Variants in CDH9 observed in about 807,000 individuals in gnomAD.
CDH9 encodes cadherin 9.
In CDH9, 28 loss-of-function variants were observed where a neutral mutation model predicts 70.9. That is an observed-to-expected ratio of 0.40 (90% CI 0.29 to 0.54). The LOEUF (loss-of-function observed/expected upper bound fraction) is 0.54. Ranked by LOEUF, CDH9 falls within the 20% of genes least tolerant of loss-of-function variation. The pLI is 0.59. For missense variants in CDH9, 874 were observed against 984.4 expected (o/e 0.89, Z 1.50); for synonymous variants, 409 against 343.1 (o/e 1.19, Z -2.12).
intron 1 of CDH9, among the ~76,000 whole-genome samples, chr5:27,018,866 C>G (rs535547558): frequency 1.3e-5 from 2 of 152,014 alleles, no homozygotes; most frequent in Admixed American, 1.3e-4. Context: ...GGGGCACTAC[C>G]AGGACAACAG....
At chr5:26,893,235 T>C (rs1740691564) in intron 7 of CDH9, among the ~76,000 whole-genome samples, 1 of 152,202 alleles carries the variant, frequency 6.6e-6, no homozygotes, top group African/African-American at 2.4e-5. Flanking sequence ...GCTTAATTTA[T>C]TTTCTGCTAA....
chr5:26,924,491 C>T (rs963565061), intron 2 of CDH9, among the ~76,000 whole-genome samples: 2 of 149,342 alleles, frequency 1.3e-5, no homozygotes, highest in Non-Finnish European at 3.0e-5. Flanking sequence ...CAACTATAGT[C>T]AAACTATTTA....
At chr5:27,037,770 C>T (rs1268186780) in intron 1 of CDH9, among the ~76,000 whole-genome samples, 1 of 151,894 alleles carries the variant, frequency 6.6e-6, no homozygotes, top group Non-Finnish European at 1.5e-5. Context: ...GTCATCATTA[C>T]ATTAAGACAT....
chr5:26,883,383 TA>T (rs1740505198), intron 11 of CDH9, among the ~76,000 whole-genome samples: 1 of 151,732 alleles, frequency 6.6e-6, no homozygotes, highest in African/African-American at 2.4e-5. Context: ...TCTACCGTAT[TA>T]AAATTATCCG....
chr5:26,905,924 G>T (rs760810873), intron 5 of CDH9, 35 bp downstream of exon 5: 5 of 1,562,652 alleles, frequency 3.2e-6, no homozygotes, highest in Admixed American at 3.4e-5. Context: ...TATTTGAGAA[G>T]TTTTTGGACA....
Position 27,029,691 on chromosome 5 carries a change from C to CA in CDH9, c.-50+8771dup, listed in dbSNP as rs3838651. 2.4e-3 allele frequency among the ~76,000 whole-genome samples: 358 copies of CA among 151,520 alleles called. 6 individuals are homozygous for CA. In the East Asian group the frequency reaches 0.039, roughly 17 times the overall value. On this transcript the variant is annotated intron_variant, in intron 1 of 11. Transcript: ENST00000231021. Reference sequence around the variant, plus strand: ...AATGGATGGATGAATAAATTATTACCAAAAAAAATCTAAGGATCTTTTTCC... The same window carrying CA: ...AATGGATGGATGAATAAATTATTACCAAAAAAAAATCTAAGGATCTTTTTCC...
intron 2 of CDH9, among the ~76,000 whole-genome samples, chr5:26,984,616 A>C (rs866226154): frequency 1.3e-5 from 2 of 152,112 alleles, no homozygotes; most frequent in African/African-American, 4.8e-5. Context: ...AAGATTCTCT[A>C]ACAGAATAGT....
At chr5:26,911,986 A>G (rs1163098946) in intron 3 of CDH9, among the ~76,000 whole-genome samples, 2 of 152,150 alleles carry the variant, frequency 1.3e-5, no homozygotes, top group African/African-American at 4.8e-5. Flanking sequence ...TTTAAGAAAT[A>G]AAAATGAATG....
chr5:26,921,087 C>T (rs747994415), intron 2 of CDH9, among the ~76,000 whole-genome samples: 3 of 151,932 alleles, frequency 2.0e-5, no homozygotes, highest in African/African-American at 4.8e-5. Flanking sequence ...TTCATGATAC[C>T]GTTTTTGTTA....
At chr5:26,928,706 A>C (rs115893713) in intron 2 of CDH9, among the ~76,000 whole-genome samples, 150 of 152,168 alleles carry the variant, frequency 9.9e-4, no homozygotes, top group African/African-American at 3.4e-3. Context: ...CAGAGAACTC[A>C]TTTTCAATAA....
chr5:27,036,127 T>C (rs974782265), intron 1 of CDH9, among the ~76,000 whole-genome samples: 2 of 151,884 alleles, frequency 1.3e-5, no homozygotes, highest in Non-Finnish European at 2.9e-5. Context: ...AGAAATATTG[T>C]GGGGAAGGAG....
chr5:26,953,375 C>A (rs1181603355), intron 2 of CDH9, among the ~76,000 whole-genome samples: 1 of 152,144 alleles, frequency 6.6e-6, no homozygotes, highest in Admixed American at 6.5e-5. Flanking sequence ...AATGCATTTT[C>A]TCCTAGACAT....
chr5:26,973,497 A>AT (rs1246040648), intron 2 of CDH9, among the ~76,000 whole-genome samples: 2 of 152,104 alleles, frequency 1.3e-5, no homozygotes, highest in Non-Finnish European at 2.9e-5. Context: ...AGACATATTA[A>AT]TAACTGATGT....
At chr5:26,913,450 T>C (rs1372826551) in intron 3 of CDH9, among the ~76,000 whole-genome samples, 3 of 152,084 alleles carry the variant, frequency 2.0e-5, no homozygotes, top group African/African-American at 7.2e-5. Context: ...ATTTTTTAGT[T>C]CCAAAAGCTG....
chr5:26,894,117 G>C (rs1411474370), intron 7 of CDH9, among the ~76,000 whole-genome samples: 4 of 152,132 alleles, frequency 2.6e-5, no homozygotes, highest in East Asian at 3.9e-4. Flanking sequence ...GCATTGAATG[G>C]AGCTCAATTC....
intron 1 of CDH9, among the ~76,000 whole-genome samples, chr5:26,992,218 G>A (rs772475923): frequency 5.3e-5 from 8 of 152,144 alleles, no homozygotes; most frequent in Non-Finnish European, 8.8e-5. Flanking sequence ...CTCACCTCCT[G>A]CTGTGCAGCC....
At chr5:26,888,420 A>C (rs1419963498) in intron 9 of CDH9, among the ~76,000 whole-genome samples, 1 of 152,106 alleles carries the variant, frequency 6.6e-6, no homozygotes, top group African/African-American at 2.4e-5. Flanking sequence ...GGATAAACCA[A>C]ATTTCCATTA....
At chr5:26,891,437 G>A (rs531827883) in intron 7 of CDH9, among the ~76,000 whole-genome samples, 91 of 152,284 alleles carry the variant, frequency 6.0e-4, no homozygotes, top group Admixed American at 1.8e-3. Context: ...CCAAAATTTT[G>A]GAGGCCGAGG....
At chr5:26,965,099 G>A (rs1189309884) in intron 2 of CDH9, among the ~76,000 whole-genome samples, 3 of 152,026 alleles carry the variant, frequency 2.0e-5, no homozygotes, top group Admixed American at 2.0e-4. Context: ...CAGACGCTGA[G>A]TAGATTCATC....
Sources: allele counts gnomAD v4.1 joint callset (sites outside exome capture counted in the v4.1 genomes callset), GRCh38; gene constraint gnomAD v4.1.1; transcripts MANE v1.5; gene names NCBI Gene and HGNC (gene_info 2026-07-23, HGNC 2026-07-21).